The following ARB2A variants were observed in gnomAD, a reference collection of about 807,000 sequenced individuals.
ARB2A encodes the protein ARB2 cotranscriptional regulator A.
the ARB2A span, among the ~76,000 whole-genome samples, chr5:94,056,935 C>T: frequency 6.6e-6 from 1 of 152,188 alleles, no homozygotes; most frequent in Non-Finnish European, 1.5e-5. Context: ...AAAGCAGATT[C>T]CCTCCTCAAT....
the ARB2A span, among the ~76,000 whole-genome samples, chr5:93,710,272 G>A: frequency 6.6e-6 from 1 of 152,162 alleles, no homozygotes; most frequent in African/African-American, 2.4e-5. Context: ...TAGTTGCAAC[G>A]GTTAAAATTA....
chr5:93,793,830 G>A, the ARB2A span, among the ~76,000 whole-genome samples: 1 of 152,164 alleles, frequency 6.6e-6, no homozygotes, highest in Non-Finnish European at 1.5e-5. Context: ...GTGACATGCA[G>A]GTCCCATTAC....
the ARB2A span, among the ~76,000 whole-genome samples, chr5:93,768,424 C>A: frequency 6.6e-6 from 1 of 151,240 alleles, no homozygotes; most frequent in African/African-American, 2.4e-5. Flanking sequence ...AGTGGGAAAC[C>A]AGTCACCTGA....
At chr5:94,003,556 A>C in the ARB2A span, among the ~76,000 whole-genome samples, 4 of 152,158 alleles carry the variant, frequency 2.6e-5, no homozygotes, top group Admixed American at 6.5e-5. Flanking sequence ...CATCAATTCT[A>C]TTTCCATATA....
At chr5:93,946,365 A>AT in the ARB2A span, among the ~76,000 whole-genome samples, 1 of 152,188 alleles carries the variant, frequency 6.6e-6, no homozygotes, top group African/African-American at 2.4e-5. Context: ...AAACTATGAG[A>AT]TTATCTGATA....
At chr5:93,799,513 T>G in the ARB2A span, among the ~76,000 whole-genome samples, 1 of 152,112 alleles carries the variant, frequency 6.6e-6, no homozygotes. Context: ...GATGTTCATG[T>G]TATTCTTTGC....
At chr5:93,764,768 T>A in the ARB2A span, among the ~76,000 whole-genome samples, 1 of 152,302 alleles carries the variant, frequency 6.6e-6, no homozygotes, top group South Asian at 2.1e-4. Flanking sequence ...ACCAATACCC[T>A]GATGAACATC....
At chr5:93,817,087 AACACAC>A in the ARB2A span, among the ~76,000 whole-genome samples, 1,091 of 144,342 alleles carry the variant, frequency 7.6e-3, 9 homozygotes, top group African/African-American at 0.027. Context: ...AATACACACA[AACACAC>A]ACACACACAC....
chr5:93,923,200 A>AT, the ARB2A span, among the ~76,000 whole-genome samples: 3 of 152,054 alleles, frequency 2.0e-5, no homozygotes, highest in African/African-American at 7.2e-5. Flanking sequence ...TCCTAATAAC[A>AT]TTTTCTTTTC....
At chr5:93,741,362 G>A in the ARB2A span, 3 of 1,611,022 alleles carry the variant, frequency 1.9e-6, no homozygotes, top group South Asian at 3.3e-5. Context: ...TCGTGTGGCA[G>A]GGGACCCAGG....
the ARB2A span, among the ~76,000 whole-genome samples, chr5:93,640,064 CAAAAAAAAAA>C: frequency 1.7e-5 from 1 of 59,264 alleles, no homozygotes; most frequent in African/African-American, 6.6e-5. Flanking sequence ...ACTCTGTCTC[CAAAAAAAAAA>C]AAAAAAAAAA....
At chr5:93,636,441 G>A in the ARB2A span, among the ~76,000 whole-genome samples, 1 of 152,216 alleles carries the variant, frequency 6.6e-6, no homozygotes, top group African/African-American at 2.4e-5. Flanking sequence ...AACCTCATGA[G>A]TGGAATTACT....
the ARB2A span, among the ~76,000 whole-genome samples, chr5:94,018,635 A>T: frequency 3.3e-5 from 5 of 152,036 alleles, no homozygotes; most frequent in Admixed American, 3.3e-4. Context: ...CATTTCCTTG[A>T]GCAGCGGTTT....
the ARB2A span, chr5:94,050,669 A>T: frequency 7.6e-7 from 1 of 1,312,246 alleles, no homozygotes; most frequent in East Asian, 2.4e-5. Flanking sequence ...GCATCTTCAA[A>T]ACTTTTATTC....
At chr5:94,016,525 T>C in the ARB2A span, among the ~76,000 whole-genome samples, 1 of 152,360 alleles carries the variant, frequency 6.6e-6, no homozygotes, top group East Asian at 1.9e-4. Flanking sequence ...AGTTTTTTTG[T>C]CTTGTCCCTC....
the ARB2A span, among the ~76,000 whole-genome samples, chr5:93,714,684 G>A: frequency 6.6e-6 from 1 of 152,130 alleles, no homozygotes; most frequent in Non-Finnish European, 1.5e-5. Flanking sequence ...TACAAGGCAT[G>A]AAATTTCAGG....
the ARB2A span, among the ~76,000 whole-genome samples, chr5:93,988,120 T>C: frequency 6.6e-6 from 1 of 152,200 alleles, no homozygotes. Context: ...TCATCTCTAC[T>C]ATCGCCATTC....
At chr5:94,056,219 A>G in the ARB2A span, among the ~76,000 whole-genome samples, 1 of 152,218 alleles carries the variant, frequency 6.6e-6, no homozygotes, top group Non-Finnish European at 1.5e-5. Context: ...TATAGAATAA[A>G]CAGTTATGAA....
chr5:93,814,097 A>C, the ARB2A span, among the ~76,000 whole-genome samples: 1 of 152,122 alleles, frequency 6.6e-6, no homozygotes, highest in Middle Eastern at 3.2e-3. Context: ...AACTTAAATG[A>C]TCAATTTTGT....
Sources: gnomAD v4.1 joint callset for allele counts (sites outside exome capture counted in the v4.1 genomes callset) on GRCh38, gnomAD v4.1.1 for gene constraint, MANE v1.5 for transcripts, NCBI Gene and HGNC (gene_info 2026-07-23, HGNC 2026-07-21) for gene names.